OCIAD2: variants seen among roughly 807,000 people sequenced by gnomAD.
OCIAD2 encodes OCIA domain-containing protein 2.
Under a neutral mutation model 22.9 loss-of-function variants are expected in OCIAD2, and 29 were observed. That is an observed-to-expected ratio of 1.27 (90% CI 0.94 to 1.73). The LOEUF (loss-of-function observed/expected upper bound fraction) is 1.73, where lower values mean the gene tolerates loss of function less well. Ranked by LOEUF, OCIAD2 falls within the 40% of genes most tolerant of loss-of-function variation. OCIAD2 has a pLI of 0.00. For missense variants in OCIAD2, 189 were observed against 180.3 expected, an observed-to-expected ratio of 1.05 and a Z score of -0.28; for synonymous variants, 67 against 60.2, an observed-to-expected ratio of 1.11 and a Z score of -0.52.
chr4:48,887,982 C>T (rs542754304), intron 6 of OCIAD2, among the ~76,000 whole-genome samples: 1 of 152,208 alleles, frequency 6.6e-6, no homozygotes, highest in Admixed American at 6.5e-5. Flanking sequence ...ATGGAATGTT[C>T]TTCCATTTGT....
chr4:48,901,226 C>T (rs1462577881), intron 2 of OCIAD2, among the ~76,000 whole-genome samples: 2 of 152,000 alleles, frequency 1.3e-5, no homozygotes, highest in East Asian at 1.9e-4. Context: ...TCTGCTGCTT[C>T]TAACTGCTGC....
At chr4:48,896,744 G>C (rs1781311105) in intron 4 of OCIAD2, among the ~76,000 whole-genome samples, 2 of 148,786 alleles carry the variant, frequency 1.3e-5, no homozygotes, top group African/African-American at 5.0e-5. Context: ...GGACAGCTTG[G>C]GCAACATAGC....
At chr4:48,892,321 C>T (rs1363040604) in intron 6 of OCIAD2, among the ~76,000 whole-genome samples, 1 of 152,294 alleles carries the variant, frequency 6.6e-6, no homozygotes, top group Middle Eastern at 3.4e-3. Context: ...AGTGGTAGAA[C>T]TGGTTTTTAA....
At chr4:48,893,940 C>A in intron 5 of OCIAD2, 66 bp downstream of exon 5, 1 of 1,049,038 alleles carries the variant, frequency 9.5e-7, no homozygotes, top group Non-Finnish European at 1.3e-6. Context: ...CCTCAGCCTC[C>A]CAAAGTGCTG....
intron 6 of OCIAD2, among the ~76,000 whole-genome samples, chr4:48,888,012 ATTGAGCAGTGGT>A (rs1242427403): frequency 6.6e-6 from 1 of 151,878 alleles, no homozygotes; most frequent in Non-Finnish European, 1.5e-5. Context: ...CTTTTATTTC[ATTGAGCAGTGGT>A]TTGTAGTTCT....
intron 3 of OCIAD2, 105 bp downstream of exon 3, chr4:48,899,724 T>G (rs1256065289): frequency 1.2e-5 from 9 of 751,248 alleles, no homozygotes; most frequent in Non-Finnish European, 2.0e-5. Context: ...TCAGAGTTCA[T>G]CAGATATTTA....
At position 48,894,132 on chromosome 4, in the gene OCIAD2, A is replaced by C. The variant is rs891790195; in HGVS notation, c.218-79T>G. On this transcript the variant is annotated intron_variant, in intron 4 of 6. Coordinates refer to ENST00000508632, the MANE Select transcript of OCIAD2 (RefSeq NM_001014446.3). ...AGTTATAAATTATAAGTTATTCTTA[A>C]AGTATAAAGAAACCTCCAAAATTTA... The C allele has an allele frequency of 1.1e-5, 8 of 720,208 alleles. No individual in the cohort carries two copies. In the Admixed American group the frequency reaches 2.7e-4, roughly 25 times the overall value. 44.6% of individuals were successfully genotyped at this position (720,208 alleles called of 1,614,324 possible).
chr4:48,899,913 AAAACAACAGGCTCT>A lies in OCIAD2; in HGVS notation c.67-2_78del, dbSNP rs773608384. On this transcript the variant is annotated splice_acceptor_variant and coding_sequence_variant, in exon 3 of 7. Coordinates refer to ENST00000508632, the MANE Select transcript of OCIAD2 (RefSeq NM_001014446.3). LOFTEE classifies it high-confidence loss of function. ...TGGATGTGCAGTTTTGATTTTGGAC[AAAACAACAGGCTCT>A]GTAAGGAAAGTTATATGGTGAGCTA... 8.2e-5 allele frequency: 133 copies of A among 1,613,250 alleles called. No homozygotes were observed. Among genetic ancestry groups the A allele is most frequent in the Non-Finnish European group, 1.1e-4 (132 of 1,179,544 alleles).
chr4:48,896,485 T>C (rs1781303602), intron 4 of OCIAD2, among the ~76,000 whole-genome samples: 1 of 151,906 alleles, frequency 6.6e-6, no homozygotes, highest in Non-Finnish European at 1.5e-5. Context: ...CCCAGCTACT[T>C]GGGAAGCTGA....
chr4:48,897,333 C>A, intron 4 of OCIAD2: 1 of 163,924 alleles, frequency 6.1e-6, no homozygotes, highest in Non-Finnish European at 1.3e-5. Context: ...GCATTCCTAA[C>A]TGGAGGCTCA....
chr4:48,905,662 A>G (rs1781509049), intron 1 of OCIAD2, among the ~76,000 whole-genome samples: 1 of 152,214 alleles, frequency 6.6e-6, no homozygotes, highest in Non-Finnish European at 1.5e-5. Flanking sequence ...CTTCTGCAAA[A>G]TGAACCTCTT....
intron 6 of OCIAD2, among the ~76,000 whole-genome samples, chr4:48,890,038 T>C (rs1229057004): frequency 7.2e-6 from 1 of 138,080 alleles, no homozygotes; most frequent in Non-Finnish European, 1.5e-5. Context: ...TTCTCACTCA[T>C]AGGTGGGAAC....
At chr4:48,900,130 G>A (rs1781384559) in intron 2 of OCIAD2, among the ~76,000 whole-genome samples, 1 of 151,664 alleles carries the variant, frequency 6.6e-6, no homozygotes. Flanking sequence ...AATTCTAGTC[G>A]GAGAGTGGGA....
chr4:48,899,489 A>G (rs527939930), intron 3 of OCIAD2, among the ~76,000 whole-genome samples: 4 of 152,318 alleles, frequency 2.6e-5, no homozygotes, highest in South Asian at 4.1e-4. Context: ...TCTGAACCCT[A>G]TGAAACTTAG....
Position 48,885,572 on chromosome 4 carries a change from G to A in OCIAD2, c.384-7C>T, listed in dbSNP as rs1429827373. 1.9e-6 allele frequency: 3 copies of A among 1,564,004 alleles called. No individual in the cohort carries two copies. The highest frequency in any genetic ancestry group is 1.1e-5 in the South Asian group (1 of 89,698). On this transcript the variant is annotated splice_polypyrimidine_tract_variant and splice_region_variant and intron_variant, in intron 6 of 6. Transcript: ENST00000508632. ...ACAGGTAAGGAGGCAGTGCCTAGAA[G>A]AGAAGCAAAAATAGACAGCGGTTTG... is the stretch of plus-strand genomic sequence containing the variant.
At chr4:48,886,309 A>G (rs1325311811) in intron 6 of OCIAD2, among the ~76,000 whole-genome samples, 2 of 152,134 alleles carry the variant, frequency 1.3e-5, no homozygotes, top group Non-Finnish European at 2.9e-5. Flanking sequence ...TACCAGTACC[A>G]TGCTGTTTTG....
At chr4:48,904,874 A>G (rs757355155) in intron 1 of OCIAD2, among the ~76,000 whole-genome samples, 23 of 152,176 alleles carry the variant, frequency 1.5e-4, no homozygotes, top group Non-Finnish European at 2.9e-4. Context: ...GGGGATATGA[A>G]GAAGGATAAG....
chr4:48,894,125 ATTCT>A, intron 4 of OCIAD2, 72 bp from the exon 5 acceptor site: 1 of 784,996 alleles, frequency 1.3e-6, no homozygotes, highest in Non-Finnish European at 1.8e-6. Context: ...ATTATAAGTT[ATTCT>A]TAAAGTATAA....
intron 1 of OCIAD2, among the ~76,000 whole-genome samples, chr4:48,905,381 T>C (rs1453026758): frequency 1.3e-5 from 2 of 149,572 alleles, no homozygotes; most frequent in Non-Finnish European, 1.5e-5. Flanking sequence ...TACTGGAGAA[T>C]ATGAACACTG....
Sources: gnomAD v4.1 joint callset for allele counts (sites outside exome capture counted in the v4.1 genomes callset) on GRCh38, gnomAD v4.1.1 for gene constraint, MANE v1.5 for transcripts, NCBI Gene and HGNC (gene_info 2026-07-23, HGNC 2026-07-21) for gene names.